Variants in NIM1K observed in about 807,000 individuals in gnomAD.
The protein encoded by NIM1K is NIM1 serine/threonine protein kinase, also known as serine/threonine-protein kinase NIM1.
Under a neutral mutation model 37.1 loss-of-function variants are expected in NIM1K, and 35 were observed. That is an observed-to-expected ratio of 0.94 (90% CI 0.72 to 1.25). The LOEUF is 1.25. NIM1K is among the 50% of genes most tolerant of loss of function. The pLI is 0.00. For missense variants in NIM1K, 564 were observed against 548.0 expected (o/e 1.03, Z -0.29); for synonymous variants, 234 against 206.6 (o/e 1.13, Z -1.14).
rs1006161005 is a variant in NIM1K, at chr5:43,195,296, C to T, written c.-695+2885C>T. 2.6e-5 allele frequency among the ~76,000 whole-genome samples: 4 copies of T among 152,302 alleles called. No homozygotes were observed. In the South Asian group the frequency reaches 8.3e-4, roughly 32 times the overall value. On this transcript the variant is annotated intron_variant, in intron 1 of 3. Transcript: ENST00000326035. The stretch of plus-strand genomic sequence containing the variant: ...TTTCTCTCAAGAACTTCAAGGTTAG[C>T]TTAGCCATTATTATACAGCATCCTG...
At chr5:43,232,483 C>A in intron 1 of NIM1K, 1 of 1,510,088 alleles carries the variant, frequency 6.6e-7, no homozygotes, top group Non-Finnish European at 9.2e-7. Flanking sequence ...TTTGACCTAT[C>A]AACCTATTCA....
chr5:43,232,820 C>A, intron 1 of NIM1K: 1 of 1,044,898 alleles, frequency 9.6e-7, no homozygotes, highest in Non-Finnish European at 1.5e-6. Flanking sequence ...TGGTCCAAAA[C>A]GAGGTCAGTG....
chr5:43,273,005 G>A (rs906684966), intron 2 of NIM1K, among the ~76,000 whole-genome samples: 1 of 152,056 alleles, frequency 6.6e-6, no homozygotes, highest in Non-Finnish European at 1.5e-5. Context: ...TGCCCGCTAG[G>A]TGGGACCTGT....
intron 1 of NIM1K, among the ~76,000 whole-genome samples, chr5:43,198,199 CTTTCTTTCTCTTTCTTTCTTTCTT>C (rs1561069933): frequency 1.9e-3 from 98 of 51,298 alleles, no homozygotes; most frequent in Admixed American, 4.0e-3. Context: ...TTCTTTCTTT[CTTTCTTTCTCTTTCTTTCTTTCTT>C]TCTTTCTTTC....
intron 1 of NIM1K, among the ~76,000 whole-genome samples, chr5:43,224,438 G>A (rs1290495292): frequency 6.1e-5 from 9 of 146,802 alleles, no homozygotes; most frequent in Admixed American, 2.7e-4. Flanking sequence ...CAAAAAACTC[G>A]TCTCAGAAAA....
At chr5:43,231,991 T>C (rs1481301195) in intron 1 of NIM1K, 2 of 1,003,244 alleles carry the variant, frequency 2.0e-6, no homozygotes, top group Non-Finnish European at 3.0e-6. Context: ...GTCAAACTTG[T>C]GGTCCAGGTG....
At chr5:43,223,989 TA>T (rs5867623) in intron 1 of NIM1K, among the ~76,000 whole-genome samples, 57,316 of 150,846 alleles carry the variant, frequency 0.38, 11,602 homozygotes, top group East Asian at 0.67. Flanking sequence ...TTTTGAGGGT[TA>T]AAAAAAAATC....
At chr5:43,195,968 T>C (rs1356116983) in intron 1 of NIM1K, among the ~76,000 whole-genome samples, 1 of 152,194 alleles carries the variant, frequency 6.6e-6, no homozygotes, top group African/African-American at 2.4e-5. Flanking sequence ...CTCTTCATCT[T>C]CCACAGAGAA....
chr5:43,269,099 A>G (rs1410162619), intron 2 of NIM1K, among the ~76,000 whole-genome samples: 3 of 152,002 alleles, frequency 2.0e-5, no homozygotes, highest in Non-Finnish European at 4.4e-5. Flanking sequence ...ACCTGAGGTC[A>G]GGAGTTCAAG....
intron 1 of NIM1K, among the ~76,000 whole-genome samples, chr5:43,195,969 C>T (rs545214806): frequency 1.1e-4 from 16 of 152,298 alleles, no homozygotes; most frequent in African/African-American, 3.8e-4. Flanking sequence ...TCTTCATCTT[C>T]CACAGAGAAC....
chr5:43,265,565 T>G (rs946462556), intron 2 of NIM1K, among the ~76,000 whole-genome samples: 1 of 152,202 alleles, frequency 6.6e-6, no homozygotes, highest in Non-Finnish European at 1.5e-5. Flanking sequence ...GGTTCGAACA[T>G]CCTCCTTTAG....
In NIM1K at chr5:43,248,621, G is replaced by GGAGA. The variant is rs935811639; in HGVS notation, c.292+2563_292+2566dup. ...CGGCACCAATAGAAAAGAGAGAGAGGGAGAGAGAGAGACACTTACAAGGAA... is the reference window on the plus strand; with the variant it reads ...CGGCACCAATAGAAAAGAGAGAGAGGGAGAGAGAGAGAGAGACACTTACAAGGAA... On this transcript the variant is annotated intron_variant, in intron 2 of 3. Transcript: ENST00000326035. Among the ~76,000 whole-genome samples the GGAGA allele has an allele frequency of 4.0e-5, 6 of 151,798 alleles. No individual in the cohort carries two copies. The South Asian group carries it at 1.2e-3, about 32-fold the overall frequency.
rs1351704580 is a variant in NIM1K at position 43,245,804 on chromosome 5, G to A, written c.29G>A (p.Gly10Asp). The A allele has an allele frequency of 6.2e-7, 1 of 1,610,076 alleles. No homozygotes were observed. The highest frequency in any genetic ancestry group is 8.5e-7 in the Non-Finnish European group (1 of 1,177,546). ...ACTGCAGTGTATATGAATGGAGGTG[G>A]CCTGGTGAACCCCCACTATGCCCGG... MTAVYMNGG[G>D]LVNPHYARWD... Residue 10 changes from glycine to aspartate, a missense_variant, in exon 2 of 4, where the codon GGC (glycine) becomes GAC (aspartate). Coordinates refer to ENST00000326035, the MANE Select transcript of NIM1K (RefSeq NM_153361.4).
chr5:43,224,464 G>A (rs1178398142), intron 1 of NIM1K, among the ~76,000 whole-genome samples: 3 of 150,916 alleles, frequency 2.0e-5, no homozygotes, highest in Non-Finnish European at 4.4e-5. Context: ...AAAAAGATTT[G>A]TTTTACTGTG....
chr5:43,259,724 A>G (rs1268449189), intron 2 of NIM1K, among the ~76,000 whole-genome samples: 2 of 152,018 alleles, frequency 1.3e-5, no homozygotes, highest in African/African-American at 4.8e-5. Context: ...ATTTTCTCCC[A>G]TTCTGTGGAT....
intron 2 of NIM1K, among the ~76,000 whole-genome samples, chr5:43,262,571 C>A (rs912307255): frequency 6.6e-6 from 1 of 152,100 alleles, no homozygotes; most frequent in African/African-American, 2.4e-5. Context: ...AATTTGACTT[C>A]CTCTTTTCCT....
At chr5:43,236,963 C>T (rs1224362014) in intron 1 of NIM1K, among the ~76,000 whole-genome samples, 1 of 152,192 alleles carries the variant, frequency 6.6e-6, no homozygotes, top group African/African-American at 2.4e-5. Context: ...AAATAAAGAG[C>T]TGAGCTAAAA....
chr5:43,261,928 G>T (rs1753037081), intron 2 of NIM1K, among the ~76,000 whole-genome samples: 2 of 152,168 alleles, frequency 1.3e-5, no homozygotes, highest in African/African-American at 4.8e-5. Context: ...TAGACGTGTG[G>T]TATTATTTCA....
chr5:43,253,200 ATAATATAATATATGTG>A (rs1752892012), intron 2 of NIM1K, among the ~76,000 whole-genome samples: 1 of 104,538 alleles, frequency 9.6e-6, no homozygotes, highest in Admixed American at 1.4e-4. Flanking sequence ...AATATAATAT[ATAATATAATATATGTG>A]TGTGTGTGTG....
Sources: gnomAD v4.1 joint callset for allele counts (sites outside exome capture counted in the v4.1 genomes callset) on GRCh38, gnomAD v4.1.1 for gene constraint, MANE v1.5 for transcripts, NCBI Gene and HGNC (gene_info 2026-07-23, HGNC 2026-07-21) for gene names.